Variants in ADGRE2 observed in about 807,000 individuals in gnomAD.
ADGRE2 encodes CD97 antigen.
A neutral mutation model predicts 100.8 loss-of-function variants in ADGRE2; 83 were observed. The ratio of observed to expected loss-of-function variants is 0.82; its 90% CI spans 0.69 to 0.99. The LOEUF is 0.99. Ranked by LOEUF, ADGRE2 falls within the 50% of genes least tolerant of loss-of-function variation. The pLI is 0.00. For missense variants in ADGRE2, 814 were observed against 1,035.7 expected (o/e 0.79, Z 2.94); for synonymous variants, 355 against 413.0 (o/e 0.86, Z 1.70).
chr19:14,756,859 G>A (rs915849895), intron 11 of ADGRE2, among the ~76,000 whole-genome samples: 1 of 151,508 alleles, frequency 6.6e-6, no homozygotes, highest in African/African-American at 2.4e-5. Context: ...CAGCAAAAAT[G>A]TTAGGAATAC....
rs933799771 is a variant in ADGRE2, at chr19:14,761,230, T to C, written c.1084+3203A>G. ...CATCCTGGTTAACATGGCGAAACCC[T>C]GTCTTTACTGAAAACACACAAAATA... On this transcript the variant is annotated intron_variant, in intron 11 of 20. Coordinates refer to ENST00000315576, the MANE Select transcript of ADGRE2 (RefSeq NM_013447.4). Among the ~76,000 whole-genome samples, 2 of 152,168 alleles carry C rather than the reference T, an allele frequency of 1.3e-5. 1 individual carries two copies. The highest frequency in any genetic ancestry group is 2.9e-5 in the Non-Finnish European group (2 of 68,040).
In ADGRE2 at chr19:14,743,461, G is replaced by C; in HGVS notation, c.2422C>G (p.Leu808Val). 1 of 1,614,174 alleles carries C rather than the reference G, an allele frequency of 6.2e-7. No homozygotes were observed. Among genetic ancestry groups the C allele is most frequent in the Non-Finnish European group, 8.5e-7 (1 of 1,180,012 alleles). ...GTGTCAGCCTTAGCACTGCTGGAGA[G>C]TGTGTGCATCTCAGACTCAGTTTTC... ...KLKTESEMHT[L>V]SSSAKADTSK... The change falls in exon 20 of 21, where the codon CTC (leucine) becomes GTC (valine). Residue 808 changes from leucine to valine, a missense_variant. By Grantham distance (32) the Leu-to-Val change is conservative. Coordinates refer to ENST00000315576, the MANE Select transcript of ADGRE2 (RefSeq NM_013447.4).
intron 16 of ADGRE2, among the ~76,000 whole-genome samples, chr19:14,749,414 TATATAATTATTTATAGTTATGTA>T (rs556221232): frequency 0.11 from 15,393 of 138,376 alleles, 1,198 homozygotes; most frequent in Middle Eastern, 0.18. Flanking sequence ...TATTTATAGT[TATATAATTATTTATAGTTATGTA>T]ATATAATTAT....
rs1460467083 is a variant in ADGRE2 at position 14,746,988 on chromosome 19, TGC to T, written c.2025-28_2025-27del. ...CTGAAAAAAGAGAGATTAAAAAAAA[TGC>T]ATCAGTTTTTGGAGATATGGAACAG... is the stretch of plus-strand genomic sequence containing the variant. On this transcript the variant is annotated intron_variant, in intron 16 of 20. Transcript: ENST00000315576. The T allele has an allele frequency of 2.4e-6, 3 of 1,272,354 alleles. No homozygotes were observed. The African/African-American group carries it at 4.3e-5, about 18-fold the overall frequency. 78.8% of individuals were successfully genotyped at this position (1,272,354 alleles called of 1,614,324 possible). A position where few individuals can be genotyped will look rare whatever the true frequency, so the allele number is the denominator to read the frequency against.
At position 14,751,742 on chromosome 19, in the gene ADGRE2, A is replaced by T. The variant is rs1599818371; in HGVS notation, c.1789-71T>A. ...TGTGGCCCATGGCTTCTCCTGTACC[A>T]TGTTGTTGGGGAGAATTCTGAGATA... On this transcript the variant is annotated intron_variant, in intron 15 of 20. Coordinates refer to ENST00000315576, the MANE Select transcript of ADGRE2 (RefSeq NM_013447.4). The T allele has an allele frequency of 6.2e-6, 7 of 1,127,718 alleles. No homozygotes were observed. The East Asian group carries it at 1.7e-4, about 28-fold the overall frequency. 69.9% of individuals were successfully genotyped at this position (1,127,718 alleles called of 1,614,324 possible).
At chr19:14,770,914 AGG>A (rs1362135106) in intron 5 of ADGRE2, among the ~76,000 whole-genome samples, 2 of 151,876 alleles carry the variant, frequency 1.3e-5, no homozygotes, top group African/African-American at 4.8e-5. Context: ...TCCTGACCTC[AGG>A]TGATCCACCC....
Position 14,751,423 on chromosome 19 carries a change from A to C in ADGRE2, c.2024+13T>G. On this transcript the variant is annotated intron_variant, in intron 16 of 20. Transcript: ENST00000315576. ...TGCCGGAGAAGATAAGGATTGTGAG[A>C]ATTTGCACTAACCGGGAAGGTGTTC... is the stretch of plus-strand genomic sequence containing the variant. 1.3e-6 allele frequency: 2 copies of C among 1,597,488 alleles called. No individual in the cohort carries two copies. The highest frequency in any genetic ancestry group is 1.7e-6 in the Non-Finnish European group (2 of 1,164,914).
chr19:14,745,274 A>G (rs1292724427), intron 18 of ADGRE2, among the ~76,000 whole-genome samples: 1 of 152,120 alleles, frequency 6.6e-6, no homozygotes, highest in African/African-American at 2.4e-5. Flanking sequence ...CTTTTAGTTT[A>G]TTGATTCGTA....
chr19:14,740,776 A>G (rs1028151987), intron 20 of ADGRE2, among the ~76,000 whole-genome samples: 7 of 152,174 alleles, frequency 4.6e-5, no homozygotes, highest in African/African-American at 1.7e-4. Context: ...TTGCTCTGTC[A>G]CCCAGGCTGT....
chr19:14,773,899 A>G (rs752626936), intron 4 of ADGRE2, 39 bp downstream of exon 4: 1 of 1,586,826 alleles, frequency 6.3e-7, no homozygotes, highest in Non-Finnish European at 8.7e-7. Flanking sequence ...ATGCCTCATA[A>G]TCGCAGATGT....
At position 14,771,657 on chromosome 19, in the gene ADGRE2, T is replaced by TTTATTTATTTAG. The variant is rs374066484; in HGVS notation, c.355+684_355+685insCTAAATAAATAA. Among the ~76,000 whole-genome samples, 479 of 151,678 alleles carry TTTATTTATTTAG rather than the reference T, an allele frequency of 3.2e-3. 1 individual carries two copies. Among genetic ancestry groups the TTTATTTATTTAG allele is most frequent in the African/African-American group, 0.011 (445 of 41,282 alleles). ...ATTTATTTATTTATTTATTTATTTATTTTAGATGGAGTCTTGCACTGTCAC... is the reference window on the plus strand; with the variant it reads ...ATTTATTTATTTATTTATTTATTTATTTATTTATTTAGTTTAGATGGAGTCTTGCACTGTCAC... On this transcript the variant is annotated intron_variant, in intron 5 of 20. Transcript: ENST00000315576.
intron 14 of ADGRE2, among the ~76,000 whole-genome samples, chr19:14,752,903 T>C (rs1057073477): frequency 2.6e-5 from 4 of 151,860 alleles, no homozygotes; most frequent in African/African-American, 9.7e-5. Context: ...TCCCAAGTAG[T>C]TGGGATTACA....
chr19:14,759,503 A>ATATATATATATATTTT (rs60789454), intron 11 of ADGRE2, among the ~76,000 whole-genome samples: 3 of 133,380 alleles, frequency 2.2e-5, no homozygotes, highest in African/African-American at 8.9e-5. Flanking sequence ...ATATATATAT[A>ATATATATATATATTTT]TTTTTTTTTT....
downstream of ADGRE2, among the ~76,000 whole-genome samples, chr19:14,728,685 A>G (rs2042648873): frequency 3.3e-5 from 5 of 152,214 alleles, no homozygotes; most frequent in South Asian, 1.0e-3. Flanking sequence ...TTCCATGTGA[A>G]TCCCTTTACA....
At chr19:14,731,554 G>C, downstream of ADGRE2, 1 of 232,442 alleles carries the variant, frequency 4.3e-6, no homozygotes, top group Non-Finnish European at 8.3e-6. Flanking sequence ...GAGGGAGAGG[G>C]TTCTTCAAAC....
At chr19:14,751,376 GT>G in intron 16 of ADGRE2, 59 bp downstream of exon 16, 1 of 1,300,594 alleles carries the variant, frequency 7.7e-7, no homozygotes, top group Non-Finnish European at 1.1e-6. Context: ...TGCTATCTAG[GT>G]TCTAGCAATG....
At chr19:14,731,069 C>A, downstream of ADGRE2, 1 of 954,916 alleles carries the variant, frequency 1.0e-6, no homozygotes, top group Non-Finnish European at 1.6e-6. Context: ...CTGCCCTGGT[C>A]TCAAGCACCG....
chr19:14,757,503 C>T (rs1185212530), intron 11 of ADGRE2, among the ~76,000 whole-genome samples: 1 of 152,154 alleles, frequency 6.6e-6, no homozygotes, highest in African/African-American at 2.4e-5. Context: ...GTAATACTGG[C>T]ATAAGGACAC....
intron 5 of ADGRE2, among the ~76,000 whole-genome samples, chr19:14,768,482 G>A (rs1375831459): frequency 2.6e-5 from 4 of 152,212 alleles, no homozygotes; most frequent in Non-Finnish European, 4.4e-5. Context: ...AGATGGAGGT[G>A]TATCTGTCAT....
Sources: gnomAD v4.1 joint callset for allele counts (sites outside exome capture counted in the v4.1 genomes callset) on GRCh38, gnomAD v4.1.1 for gene constraint, MANE v1.5 for transcripts, NCBI Gene and HGNC (gene_info 2026-07-23, HGNC 2026-07-21) for gene names.